CHD9: variants seen among roughly 807,000 people sequenced by gnomAD.
CHD9 encodes ATP-dependent chromatin remodeler CHD9.
A neutral mutation model predicts 316.1 loss-of-function variants in CHD9; 77 were observed. The ratio of observed to expected loss-of-function variants is 0.24; its 90% confidence interval spans 0.20 to 0.29. CHD9 has a LOEUF of 0.29. Ranked by LOEUF, CHD9 falls within the 10% of genes least tolerant of loss-of-function variation. The pLI is 1.00. For missense variants in CHD9, 2,763 were observed against 3,438.1 expected (o/e 0.80, Z 4.91); for synonymous variants, 1,129 against 1,158.3 (o/e 0.97, Z 0.51).
At chr16:53,267,017 A>T (rs2051762610) in intron 20 of CHD9, among the ~76,000 whole-genome samples, 1 of 152,178 alleles carries the variant, frequency 6.6e-6, no homozygotes, top group African/African-American at 2.4e-5. Flanking sequence ...TTCAGTTTAA[A>T]ATATTTTTAT....
intron 33 of CHD9, 105 bp from the exon 34 acceptor site, chr16:53,308,581 G>T: frequency 1.3e-6 from 1 of 759,690 alleles, no homozygotes; most frequent in Admixed American, 2.3e-5. Flanking sequence ...TGATGTTTCA[G>T]GATTTTTACT....
At chr16:53,253,226 GTA>G (rs34959429) in intron 17 of CHD9, among the ~76,000 whole-genome samples, 4,966 of 148,916 alleles carry the variant, frequency 0.033, 100 homozygotes, top group Middle Eastern at 0.071. Context: ...ATATGTGTGT[GTA>G]TATATATATA....
intron 2 of CHD9, among the ~76,000 whole-genome samples, chr16:53,196,318 C>T (rs1475069389): frequency 1.3e-5 from 2 of 152,156 alleles, no homozygotes; most frequent in Non-Finnish European, 2.9e-5. Context: ...GTAACCAAAC[C>T]TACCTCTCTC....
At chr16:53,117,256 T>A (rs994732465) in intron 1 of CHD9, among the ~76,000 whole-genome samples, 1 of 152,008 alleles carries the variant, frequency 6.6e-6, no homozygotes, top group Non-Finnish European at 1.5e-5. Context: ...TAAAAAAAAA[T>A]TTAGGAAGTC....
chr16:53,055,635 T>A (rs1567494876), intron 1 of CHD9, among the ~76,000 whole-genome samples: 3 of 152,156 alleles, frequency 2.0e-5, no homozygotes, highest in Non-Finnish European at 2.9e-5. Context: ...GGAGGACATT[T>A]GTTTGTTCTA....
intron 3 of CHD9, among the ~76,000 whole-genome samples, chr16:53,211,489 T>G (rs2046329810): frequency 6.6e-6 from 1 of 152,158 alleles, no homozygotes; most frequent in Non-Finnish European, 1.5e-5. Flanking sequence ...GGTAGCAAAT[T>G]CTAGAAAACA....
chr16:53,165,926 A>G (rs1459902298), intron 2 of CHD9, among the ~76,000 whole-genome samples: 1 of 152,158 alleles, frequency 6.6e-6, no homozygotes, highest in Non-Finnish European at 1.5e-5. Context: ...TAAAACTTTT[A>G]TAAGGTACCA....
At chr16:53,322,813 G>C (rs2057363463) in intron 38 of CHD9, among the ~76,000 whole-genome samples, 1 of 151,990 alleles carries the variant, frequency 6.6e-6, no homozygotes, top group African/African-American at 2.4e-5. Flanking sequence ...AAAGGGAGGT[G>C]GGGGGAATTA....
intron 2 of CHD9, among the ~76,000 whole-genome samples, chr16:53,170,044 T>G (rs1197010751): frequency 1.4e-5 from 2 of 148,002 alleles, no homozygotes; most frequent in African/African-American, 5.2e-5. Flanking sequence ...AAGCAGTTTT[T>G]TTTTGTTTTT....
At chr16:53,124,299 G>C (rs1402166836) in intron 1 of CHD9, among the ~76,000 whole-genome samples, 3 of 151,912 alleles carry the variant, frequency 2.0e-5, no homozygotes, top group Non-Finnish European at 4.4e-5. Flanking sequence ...AATTTATAAA[G>C]AAAAAGAAGT....
chr16:53,294,205 A>G (rs1391074353), intron 29 of CHD9, among the ~76,000 whole-genome samples: 1 of 152,172 alleles, frequency 6.6e-6, no homozygotes, highest in African/African-American at 2.4e-5. Context: ...AGTACATGGA[A>G]AAGAATAGCT....
intron 2 of CHD9, among the ~76,000 whole-genome samples, chr16:53,209,180 T>C (rs1174531410): frequency 6.6e-6 from 1 of 152,200 alleles, no homozygotes; most frequent in African/African-American, 2.4e-5. Flanking sequence ...ATTTATGGGA[T>C]AAAATTTGAA....
intron 1 of CHD9, among the ~76,000 whole-genome samples, chr16:53,134,544 T>C (rs1316934695): frequency 2.6e-5 from 4 of 152,214 alleles, no homozygotes; most frequent in African/African-American, 9.6e-5. Context: ...AATAAAATCG[T>C]ATCTTGTCCT....
intron 1 of CHD9, among the ~76,000 whole-genome samples, chr16:53,125,707 T>C (rs1202212374): frequency 1.3e-5 from 2 of 152,206 alleles, no homozygotes; most frequent in Non-Finnish European, 2.9e-5. Flanking sequence ...AAACAACCCA[T>C]ACTGTATGAT....
chr16:53,243,556 A>C lies in CHD9; in HGVS notation c.3054+540A>C, dbSNP rs371240915. Among the ~76,000 whole-genome samples, 10 of 151,894 alleles carry C rather than the reference A, an allele frequency of 6.6e-5. No individual in the cohort carries two copies. The East Asian group carries it at 1.2e-3, about 18-fold the overall frequency. On this transcript the variant is annotated intron_variant, in intron 13 of 38. Coordinates refer to ENST00000447540, the MANE Select transcript of CHD9 (RefSeq NM_001308319.2). ...TCGAACTCCCGACCTCAGGTTATCC[A>C]CCCGCCTCAGCCTCCAAAAGTGCTG...
chr16:53,082,734 T>C (rs2035141990), intron 1 of CHD9, among the ~76,000 whole-genome samples: 1 of 152,220 alleles, frequency 6.6e-6, no homozygotes, highest in African/African-American at 2.4e-5. Flanking sequence ...GACCTTCAGA[T>C]CTTTGCCCAT....
At position 53,194,865 on chromosome 16, in the gene CHD9, G is replaced by C. The variant is rs555721788; in HGVS notation, c.1453-14617G>C. On this transcript the variant is annotated intron_variant, in intron 2 of 38. Transcript: ENST00000447540. The stretch of plus-strand genomic sequence containing the variant: ...GGCAATAGTATATTTCTCTGTTACT[G>C]TTTTCTTAATGAAATATATCTGGAA... Among the ~76,000 whole-genome samples, 8 of 152,164 alleles carry C rather than the reference G, an allele frequency of 5.3e-5. No individual in the cohort carries two copies. The South Asian group carries it at 1.7e-3, about 32-fold the overall frequency.
chr16:53,182,003 T>C (rs537006419), intron 2 of CHD9, among the ~76,000 whole-genome samples: 2 of 152,114 alleles, frequency 1.3e-5, no homozygotes, highest in South Asian at 4.2e-4. Context: ...CACTTGAACC[T>C]GGGAGACAGA....
chr16:53,263,468 A>C (rs1008870573), intron 20 of CHD9, among the ~76,000 whole-genome samples: 14 of 152,156 alleles, frequency 9.2e-5, no homozygotes, highest in Non-Finnish European at 2.1e-4. Flanking sequence ...AGGAGAAAAA[A>C]AGCAGTCAAG....
Sources: allele counts gnomAD v4.1 joint callset (sites outside exome capture counted in the v4.1 genomes callset), GRCh38; gene constraint gnomAD v4.1.1; transcripts MANE v1.5; gene names NCBI Gene and HGNC (gene_info 2026-07-23, HGNC 2026-07-21).